The following DOK5 variants were observed in gnomAD, a reference collection of about 807,000 sequenced individuals.
The protein encoded by DOK5 is downstream of tyrosine kinase 5.
A neutral mutation model predicts 43.3 loss-of-function variants in DOK5; 27 were observed. That is an observed-to-expected ratio of 0.62 (90% CI 0.46 to 0.86). The LOEUF is 0.86. DOK5 is among the 40% of genes least tolerant of loss of function. The probability of loss-of-function intolerance (pLI) is 0.00; values close to 1 mark genes in which losing one functional copy is unlikely to be tolerated. For missense variants in DOK5, 373 were observed against 392.9 expected, an observed-to-expected ratio of 0.95 and a Z score of 0.43; for synonymous variants, 146 against 140.1, an observed-to-expected ratio of 1.04 and a Z score of -0.30.
At chr20:54,510,783 G>A (rs980050179) in intron 1 of DOK5, among the ~76,000 whole-genome samples, 17 of 152,064 alleles carry the variant, frequency 1.1e-4, no homozygotes, top group African/African-American at 4.1e-4. Context: ...TCCCTGCTCG[G>A]CTATTGGGAG....
At position 54,610,388 on chromosome 20, in the gene DOK5, G is replaced by A; in HGVS notation, c.600G>A (p.Arg200=). 2 of 1,532,766 alleles carry A rather than the reference G, an allele frequency of 1.3e-6. No individual in the cohort carries two copies. The highest frequency in any genetic ancestry group is 1.8e-6 in the Non-Finnish European group (2 of 1,142,586). 94.9% of individuals were successfully genotyped at this position (1,532,766 alleles called of 1,614,324 possible). A position where few individuals can be genotyped will look rare whatever the true frequency, so the allele number is the denominator to read the frequency against. The change falls in exon 6 of 8, where the codon AGG becomes AGA. Residue 200 remains arginine, a splice_region_variant and synonymous_variant. Transcript: ENST00000262593. ...AGCTGTTTTGTTTTTGTTTTCACAG[G>A]ATGTGTGAGACTGGTGAAGGGCTGT... ...DTTWFTFEAG[R]MCETGEGLFI...
At chr20:54,594,978 G>A (rs558888473) in intron 5 of DOK5, among the ~76,000 whole-genome samples, 1 of 152,274 alleles carries the variant, frequency 6.6e-6, no homozygotes, top group African/African-American at 2.4e-5. Flanking sequence ...AGGCTGGTAT[G>A]TTTGAGTCTC....
rs148809588 is a variant in DOK5, at chr20:54,621,463, G to A, written c.735+10940G>A. Among the ~76,000 whole-genome samples the A allele has an allele frequency of 6.4e-3, 976 of 151,896 alleles. 9 individuals carry two copies. Among genetic ancestry groups the A allele is most frequent in the African/African-American group, 0.022 (915 of 41,432 alleles). On this transcript the variant is annotated intron_variant, in intron 6 of 7. Transcript: ENST00000262593. ...TCCCAGCACTTTGGAAGGCTGAAGC[G>A]GGCAGATCACTTGAGGTCAGGAGGT...
intron 5 of DOK5, among the ~76,000 whole-genome samples, chr20:54,602,402 T>A (rs2146783024): frequency 6.6e-6 from 1 of 152,326 alleles, no homozygotes; most frequent in Admixed American, 6.5e-5. Context: ...GGAGCAGGGC[T>A]CTAGGAACTA....
chr20:54,590,787 A>G (rs1486743409), intron 4 of DOK5, among the ~76,000 whole-genome samples: 1 of 152,186 alleles, frequency 6.6e-6, no homozygotes, highest in Non-Finnish European at 1.5e-5. Flanking sequence ...GCAATCTACC[A>G]TAATGATGCA....
At chr20:54,501,462 C>T (rs1324004341) in intron 1 of DOK5, among the ~76,000 whole-genome samples, 1 of 90,404 alleles carries the variant, frequency 1.1e-5, no homozygotes, top group African/African-American at 4.9e-5. Context: ...GCGAGACTCA[C>T]TCTCAAAAAA....
At chr20:54,648,592 T>A (rs1568829288) in intron 7 of DOK5, among the ~76,000 whole-genome samples, 1 of 151,924 alleles carries the variant, frequency 6.6e-6, no homozygotes, top group South Asian at 2.1e-4. Flanking sequence ...GAGTCAGAAA[T>A]GAGCTGCGGG....
At chr20:54,481,420 G>A (rs965324162) in intron 1 of DOK5, among the ~76,000 whole-genome samples, 10 of 151,992 alleles carry the variant, frequency 6.6e-5, no homozygotes, top group Non-Finnish European at 1.0e-4. Flanking sequence ...CACAAGCCTC[G>A]GCCTCCTAAA....
intron 1 of DOK5, among the ~76,000 whole-genome samples, chr20:54,535,303 T>A (rs1024665717): frequency 2.0e-5 from 3 of 151,912 alleles, no homozygotes; most frequent in African/African-American, 4.8e-5. Flanking sequence ...GTTTTTTTTT[T>A]AAAGAGTGCT....
intron 2 of DOK5, among the ~76,000 whole-genome samples, chr20:54,575,957 A>T (rs1174316656): frequency 2.0e-5 from 3 of 152,214 alleles, no homozygotes; most frequent in Non-Finnish European, 4.4e-5. Flanking sequence ...TCATTCTTTT[A>T]GTTTTTCCAT....
chr20:54,588,591 G>T lies in DOK5; in HGVS notation c.283G>T (p.Glu95Ter). The T allele has an allele frequency of 6.2e-7, 1 of 1,614,120 alleles. No homozygotes were observed. The highest frequency in any genetic ancestry group is 8.5e-7 in the Non-Finnish European group (1 of 1,179,998). The change falls in exon 3 of 8, where the codon GAA (glutamate) becomes TAA (stop). Residue 95 changes from glutamate to a stop codon, truncating the protein, a stop_gained. Coordinates refer to ENST00000262593, the MANE Select transcript of DOK5 (RefSeq NM_018431.5). LOFTEE classifies it high-confidence loss of function. ...CGATACCTCCAAGACTTTTGCTTGC[G>T]AATCAGGTTTGTCTCAGGCAGGGCT... ...NDDTSKTFAC[E>*]SDLEADEWCK...
At position 54,641,425 on chromosome 20, in the gene DOK5, A is replaced by T. The variant is rs1385106929; in HGVS notation, c.736-2033A>T. 3.9e-5 allele frequency among the ~76,000 whole-genome samples: 6 copies of T among 152,212 alleles called. No homozygotes were observed. In the East Asian group the frequency reaches 1.2e-3, roughly 29 times the overall value. On this transcript the variant is annotated intron_variant, in intron 6 of 7. Coordinates refer to ENST00000262593, the MANE Select transcript of DOK5 (RefSeq NM_018431.5). ...CTATTATTTTGGCTTTACTGAGTGA[A>T]TTATGCCTGAAACTACCATGCTGAG...
At chr20:54,627,375 G>A (rs1425857214) in intron 6 of DOK5, among the ~76,000 whole-genome samples, 5 of 152,190 alleles carry the variant, frequency 3.3e-5, no homozygotes, top group South Asian at 4.1e-4. Flanking sequence ...CAGTGTTGCT[G>A]CCTTGTCTTT....
rs373005612 is a variant in DOK5 at position 54,481,016 on chromosome 20, CT to C, written c.66+5005del. 4.4e-3 allele frequency among the ~76,000 whole-genome samples: 482 copies of C among 109,658 alleles called. 6 individuals are homozygous for C. Among genetic ancestry groups the C allele is most frequent in the East Asian group, 0.031 (136 of 4,400 alleles). 71.9% of individuals were successfully genotyped at this position (109,658 alleles called of 152,430 possible). A position where few individuals can be genotyped will look rare whatever the true frequency, so the allele number is the denominator to read the frequency against. ...CATCTATCTATCATCTATCATCTAT[CT>C]ATCTATCATCTATCTATCATCTATC... On this transcript the variant is annotated intron_variant, in intron 1 of 7. Transcript: ENST00000262593.
At chr20:54,552,078 T>A (rs751808368) in intron 1 of DOK5, among the ~76,000 whole-genome samples, 1 of 152,230 alleles carries the variant, frequency 6.6e-6, no homozygotes, top group Non-Finnish European at 1.5e-5. Context: ...TTCATCCATC[T>A]TGGCCTCCCA....
intron 6 of DOK5, among the ~76,000 whole-genome samples, chr20:54,629,994 A>T (rs1001206387): frequency 6.6e-6 from 1 of 152,190 alleles, no homozygotes; most frequent in Admixed American, 6.5e-5. Flanking sequence ...CAGACCCTGT[A>T]GCTATGAGCT....
At position 54,486,263 on chromosome 20, in the gene DOK5, C is replaced by T. The variant is rs1475779436; in HGVS notation, c.66+10251C>T. Among the ~76,000 whole-genome samples, 4 of 152,040 alleles carry T rather than the reference C, an allele frequency of 2.6e-5. No homozygotes were observed. The East Asian group carries it at 5.8e-4, about 22-fold the overall frequency. ...TTGTCTTTTCTTCATTGAGCATTTT[C>T]ATGTCTTCGCCTGGGTCCTCTATTC... is the stretch of plus-strand genomic sequence containing the variant. On this transcript the variant is annotated intron_variant, in intron 1 of 7. Coordinates refer to ENST00000262593, the MANE Select transcript of DOK5 (RefSeq NM_018431.5).
intron 6 of DOK5, among the ~76,000 whole-genome samples, chr20:54,613,110 A>G (rs1054133124): frequency 1.7e-4 from 26 of 152,184 alleles, no homozygotes; most frequent in Non-Finnish European, 1.8e-4. Flanking sequence ...TGGTTGGTCC[A>G]GATTGATCCT....
chr20:54,558,494 C>A (rs1350704383), intron 2 of DOK5, among the ~76,000 whole-genome samples: 7 of 152,110 alleles, frequency 4.6e-5, no homozygotes, highest in Admixed American at 4.6e-4. Context: ...AGATCTGATA[C>A]ATTTAGTATT....
Sources: gnomAD v4.1 joint callset for allele counts (sites outside exome capture counted in the v4.1 genomes callset) on GRCh38, gnomAD v4.1.1 for gene constraint, MANE v1.5 for transcripts, NCBI Gene and HGNC (gene_info 2026-07-23, HGNC 2026-07-21) for gene names.